Variants in NAA60 observed in about 807,000 individuals in gnomAD.
The protein encoded by NAA60 is N-alpha-acetyltransferase 60, NatF catalytic subunit.
Under a neutral mutation model 26.1 loss-of-function variants are expected in NAA60, and 8 were observed. That is an observed-to-expected ratio of 0.31 (90% confidence interval 0.18 to 0.55). NAA60 has a LOEUF of 0.55. NAA60 is among the 20% of genes least tolerant of loss of function. The pLI, the probability that NAA60 is intolerant of heterozygous loss-of-function variation, is 0.93. For missense variants in NAA60, 290 were observed against 311.3 expected (o/e 0.93, Z 0.51); for synonymous variants, 131 against 122.5 (o/e 1.07, Z -0.46).
At chr16:3,462,779 C>T (rs1456815889) in intron 2 of NAA60, 2 of 152,080 alleles carry the variant, frequency 1.3e-5, no homozygotes, top group Non-Finnish European at 1.5e-5. Context: ...ATACAGGATT[C>T]GGAATTTTTG....
intron 2 of NAA60, among the ~76,000 whole-genome samples, chr16:3,462,085 T>TAAAAAAAAAAAA (rs2035436230): frequency 2.1e-5 from 1 of 47,978 alleles, no homozygotes; most frequent in Non-Finnish European, 3.6e-5. Context: ...AGACCTTATA[T>TAAAAAAAAAAAA]CAAAAAAAAA....
intron 2 of NAA60, among the ~76,000 whole-genome samples, chr16:3,458,658 C>T (rs1596301819): frequency 1.3e-5 from 2 of 152,314 alleles, no homozygotes; most frequent in Admixed American, 6.5e-5. Context: ...TTGGAGTCAT[C>T]TGCGACTTGT....
At chr16:3,452,306 G>C (rs991861169) in intron 2 of NAA60, among the ~76,000 whole-genome samples, 3 of 152,152 alleles carry the variant, frequency 2.0e-5, no homozygotes, top group African/African-American at 7.2e-5. Flanking sequence ...CTCTTGGTAT[G>C]AGAATAAATT....
chr16:3,464,830 C>G (rs138957307), intron 2 of NAA60, among the ~76,000 whole-genome samples: 56 of 152,318 alleles, frequency 3.7e-4, no homozygotes, highest in African/African-American at 1.3e-3. Flanking sequence ...AAGATCCCAG[C>G]TGAAAGCATC....
At chr16:3,461,139 T>A (rs969199473) in intron 2 of NAA60, among the ~76,000 whole-genome samples, 1 of 150,742 alleles carries the variant, frequency 6.6e-6, no homozygotes, top group Non-Finnish European at 1.5e-5. Context: ...AGCCCAAATA[T>A]CTTACACTGC....
chr16:3,458,922 C>T (rs1235846533), intron 2 of NAA60, among the ~76,000 whole-genome samples: 2 of 152,192 alleles, frequency 1.3e-5, no homozygotes, highest in East Asian at 3.9e-4. Flanking sequence ...CTTCTCTGGA[C>T]GACCACCCAC....
intron 7 of NAA60, 183 bp downstream of exon 7, chr16:3,485,244 T>C: frequency 1.5e-6 from 1 of 656,126 alleles, no homozygotes; most frequent in Non-Finnish European, 2.8e-6. Context: ...CACAGCAGGC[T>C]CCATGGCAAC....
At chr16:3,465,624 T>G (rs549049686) in intron 2 of NAA60, among the ~76,000 whole-genome samples, 2 of 152,168 alleles carry the variant, frequency 1.3e-5, no homozygotes, top group Non-Finnish European at 2.9e-5. Context: ...GGGTGCAGTT[T>G]CGAGGAGGAT....
chr16:3,470,857 C>G (rs2036088954), intron 2 of NAA60, among the ~76,000 whole-genome samples: 1 of 152,234 alleles, frequency 6.6e-6, no homozygotes, highest in Admixed American at 6.5e-5. Context: ...TGACCCGAGT[C>G]TCTGTTTCGT....
intron 2 of NAA60, chr16:3,457,922 GCCCGCTC>G: frequency 1.1e-6 from 1 of 948,374 alleles, no homozygotes; most frequent in South Asian, 4.9e-5. Context: ...CTCCCAACCT[GCCCGCTC>G]CCAACATGGC....
intron 2 of NAA60, among the ~76,000 whole-genome samples, chr16:3,449,610 A>G (rs1420676764): frequency 1.3e-5 from 2 of 152,122 alleles, no homozygotes; most frequent in Non-Finnish European, 2.9e-5. Context: ...GCTTGAACTC[A>G]GGAAATGGAG....
intron 2 of NAA60, chr16:3,458,112 C>T (rs2035102764): frequency 4.1e-6 from 4 of 985,282 alleles, no homozygotes; most frequent in Non-Finnish European, 4.8e-6. Flanking sequence ...GTCCCACTTC[C>T]CGGCTCCCTT....
At chr16:3,462,103 A>AAAAAAAC (rs2035447306) in intron 2 of NAA60, among the ~76,000 whole-genome samples, 4 of 151,730 alleles carry the variant, frequency 2.6e-5, no homozygotes, top group Non-Finnish European at 5.9e-5. Context: ...AAAAAAAAAA[A>AAAAAAAC]AACCTTTCAG....
At chr16:3,476,428 G>A in intron 3 of NAA60, 91 bp downstream of exon 3, 1 of 1,060,928 alleles carries the variant, frequency 9.4e-7, no homozygotes, top group Non-Finnish European at 1.4e-6. Flanking sequence ...TGGGCCCTTA[G>A]GACCGTGCTG....
At chr16:3,450,074 T>C in intron 2 of NAA60, 1 of 394,094 alleles carries the variant, frequency 2.5e-6, no homozygotes. Flanking sequence ...AAGAATTTCT[T>C]TGGAAGCAAA....
intron 2 of NAA60, among the ~76,000 whole-genome samples, chr16:3,455,429 C>T (rs1275633305): frequency 8.7e-6 from 1 of 115,140 alleles, no homozygotes; most frequent in Non-Finnish European, 1.7e-5. Context: ...CTCGCTCTGT[C>T]TGTCACCCAG....
At chr16:3,463,551 TAAAAAAAAAAA>T (rs71133639) in intron 2 of NAA60, among the ~76,000 whole-genome samples, 24 of 113,900 alleles carry the variant, frequency 2.1e-4, no homozygotes, top group Middle Eastern at 4.2e-3. Flanking sequence ...GACCCTGTGT[TAAAAAAAAAAA>T]AAAAAAAAAA....
chr16:3,452,364 T>C (rs1339133301), intron 2 of NAA60, among the ~76,000 whole-genome samples: 1 of 152,074 alleles, frequency 6.6e-6, no homozygotes, highest in Non-Finnish European at 1.5e-5. Context: ...CAAAGTTAAA[T>C]GTGGTTAATT....
intron 2 of NAA60, 42 bp downstream of exon 2, chr16:3,448,582 C>G (rs2034647589): frequency 1.3e-6 from 2 of 1,487,224 alleles, no homozygotes. Flanking sequence ...ATGATGCCCT[C>G]ATAGTCAGAG....
Sources: gnomAD v4.1 joint callset for allele counts (sites outside exome capture counted in the v4.1 genomes callset) on GRCh38, gnomAD v4.1.1 for gene constraint, MANE v1.5 for transcripts, NCBI Gene and HGNC (gene_info 2026-07-23, HGNC 2026-07-21) for gene names.